The following RNF6 variants were observed in gnomAD, a reference collection of about 807,000 sequenced individuals.
RNF6 encodes ring finger protein 6, also known as E3 ubiquitin-protein ligase RNF6.
In RNF6, 21 loss-of-function variants were observed where a neutral mutation model predicts 50.1. That is an observed-to-expected ratio of 0.42 (90% CI 0.30 to 0.60). RNF6 has a LOEUF of 0.60. Ranked by LOEUF, RNF6 falls within the 20% of genes least tolerant of loss-of-function variation. The pLI is 0.20. For synonymous variants in RNF6, 255 were observed against 291.8 expected, an observed-to-expected ratio of 0.87 and a Z score of 1.29; for missense variants, 698 against 838.2, an observed-to-expected ratio of 0.83 and a Z score of 2.07.
At position 26,214,825 on chromosome 13, in the gene RNF6, G is replaced by C; in HGVS notation, c.1057C>G (p.Gln353Glu). The C allele has an allele frequency of 1.9e-6, 3 of 1,614,162 alleles. No homozygotes were observed. The highest frequency in any genetic ancestry group is 2.5e-6 in the Non-Finnish European group (3 of 1,180,040). Reference sequence around the variant, plus strand: ...CCTCTGCGTTCTCGTTCTCTATCTTGCTCTAAAAAGACTCGAGTTCTACCT... The same window carrying C: ...CCTCTGCGTTCTCGTTCTCTATCTTCCTCTAAAAAGACTCGAGTTCTACCT... ...RRGRTRVFLEQDRERERRGTA... is the reference protein window; with the variant it reads ...RRGRTRVFLEEDRERERRGTA... Residue 353 changes from glutamine to glutamate, a missense_variant, in exon 5 of 5, where the codon CAA (glutamine) becomes GAA (glutamate). Transcript: ENST00000381588.
intron 5 of RNF6, among the ~76,000 whole-genome samples, chr13:26,180,679 G>C (rs1593170984): frequency 6.6e-6 from 1 of 152,228 alleles, no homozygotes; most frequent in East Asian, 1.9e-4. Flanking sequence ...CCACATTTAA[G>C]GTGTCTTTCC....
At chr13:26,209,788 T>TAG (rs1869246427), downstream of RNF6, among the ~76,000 whole-genome samples, 1 of 151,452 alleles carries the variant, frequency 6.6e-6, no homozygotes, top group South Asian at 2.1e-4. Context: ...AGATGTGAGA[T>TAG]ATATATATAT....
In RNF6 at chr13:26,219,646, T is replaced by A; in HGVS notation, c.4A>T (p.Asn2Tyr). Reference sequence around the variant, plus strand: ...CCATCTGATCTCGATCTAGACTGATTCATCCTGAGATTCCTGGCTTTCTGT... The same window carrying A: ...CCATCTGATCTCGATCTAGACTGATACATCCTGAGATTCCTGGCTTTCTGT... M[N>Y]QSRSRSDGGS... The change falls in exon 3 of 5, where the codon AAT becomes TAT. Residue 2 changes from asparagine to tyrosine, a missense_variant. Asn to Tyr is a moderately radical substitution (Grantham distance 143, BLOSUM62 -2). Transcript: ENST00000381588. The A allele has an allele frequency of 6.2e-7, 1 of 1,612,788 alleles. No individual in the cohort carries two copies.
At chr13:26,180,736 A>G (rs1027650749) in intron 5 of RNF6, among the ~76,000 whole-genome samples, 1 of 152,228 alleles carries the variant, frequency 6.6e-6, no homozygotes, top group African/African-American at 2.4e-5. Context: ...CAGATTGGCA[A>G]TAGGCCACAC....
downstream of RNF6, among the ~76,000 whole-genome samples, chr13:26,210,638 A>G (rs1869284572): frequency 6.6e-6 from 1 of 152,216 alleles, no homozygotes; most frequent in Non-Finnish European, 1.5e-5. Context: ...TTAGACTGAA[A>G]ACTTCCCAAG....
At chr13:26,205,394 A>G (rs1383758039) in intron 5 of RNF6, among the ~76,000 whole-genome samples, 1 of 152,226 alleles carries the variant, frequency 6.6e-6, no homozygotes, top group Non-Finnish European at 1.5e-5. Context: ...AATGTTATAA[A>G]ATCACTGAAG....
At chr13:26,190,705 T>G (rs17435452) in intron 5 of RNF6, among the ~76,000 whole-genome samples, 1 of 152,228 alleles carries the variant, frequency 6.6e-6, no homozygotes, top group African/African-American at 2.4e-5. Context: ...TATTCATCAA[T>G]TGAACATTTG....
intron 5 of RNF6, among the ~76,000 whole-genome samples, chr13:26,184,825 TA>T (rs1169829459): frequency 6.6e-6 from 1 of 152,146 alleles, no homozygotes; most frequent in Non-Finnish European, 1.5e-5. Flanking sequence ...CCACAAAGGA[TA>T]AATCTGTGGA....
intron 5 of RNF6, among the ~76,000 whole-genome samples, chr13:26,137,653 TAAAA>T (rs57465135): frequency 7.2e-6 from 1 of 138,668 alleles, no homozygotes; most frequent in Admixed American, 7.2e-5. Flanking sequence ...ATAGAAATTA[TAAAA>T]AAAAAAAAAA....
intron 5 of RNF6, among the ~76,000 whole-genome samples, chr13:26,176,497 T>C (rs984637042): frequency 1.3e-5 from 2 of 152,210 alleles, no homozygotes; most frequent in African/African-American, 4.8e-5. Flanking sequence ...TTGAATTGTG[T>C]CCTTCAAAAA....
chr13:26,180,424 T>C (rs982316308), intron 5 of RNF6, among the ~76,000 whole-genome samples: 4 of 152,122 alleles, frequency 2.6e-5, no homozygotes, highest in Admixed American at 2.6e-4. Context: ...GCAGGCCCCA[T>C]TTGAGGGTGA....
chr13:26,215,621 T>C, intron 4 of RNF6, 29 bp from the exon 5 acceptor site: 1 of 1,556,338 alleles, frequency 6.4e-7, no homozygotes, highest in Non-Finnish European at 8.6e-7. Context: ...CAACTTAAGA[T>C]CAATTCCTAA....
chr13:26,155,015 G>A (rs1871833260), intron 5 of RNF6, among the ~76,000 whole-genome samples: 1 of 151,534 alleles, frequency 6.6e-6, no homozygotes, highest in Non-Finnish European at 1.5e-5. Flanking sequence ...GGGCAAAAGA[G>A]CCAGATTCTG....
At chr13:26,132,840 A>G (rs950844326) in intron 5 of RNF6, among the ~76,000 whole-genome samples, 1 of 152,212 alleles carries the variant, frequency 6.6e-6, no homozygotes, top group Non-Finnish European at 1.5e-5. Flanking sequence ...AACTTTTTGC[A>G]GGCATCAGAT....
intron 5 of RNF6, among the ~76,000 whole-genome samples, chr13:26,186,438 G>A (rs930966444): frequency 1.3e-5 from 2 of 152,238 alleles, no homozygotes; most frequent in Non-Finnish European, 2.9e-5. Flanking sequence ...GCGCCGGGGG[G>A]CGTCTGCGTG....
intron 5 of RNF6, among the ~76,000 whole-genome samples, chr13:26,151,981 A>G (rs1459223685): frequency 1.3e-5 from 2 of 152,072 alleles, no homozygotes; most frequent in Non-Finnish European, 2.9e-5. Context: ...GCTGCTCACG[A>G]CTGCCACTGC....
At chr13:26,197,868 A>T (rs1240879503) in intron 5 of RNF6, among the ~76,000 whole-genome samples, 4 of 151,892 alleles carry the variant, frequency 2.6e-5, no homozygotes, top group Non-Finnish European at 5.9e-5. Flanking sequence ...TTCTCTGATC[A>T]TATGGGAATT....
chr13:26,151,124 T>C (rs541573321), intron 5 of RNF6, among the ~76,000 whole-genome samples: 1 of 152,226 alleles, frequency 6.6e-6, no homozygotes, highest in South Asian at 2.1e-4. Context: ...AAGTCACCAG[T>C]GCAACTACTT....
intron 5 of RNF6, among the ~76,000 whole-genome samples, chr13:26,161,198 G>T (rs1035461360): frequency 3.3e-5 from 5 of 152,146 alleles, no homozygotes; most frequent in Admixed American, 2.6e-4. Context: ...GACCATTTGT[G>T]CCTCAATACC....
Sources: allele counts gnomAD v4.1 joint callset (sites outside exome capture counted in the v4.1 genomes callset), GRCh38; gene constraint gnomAD v4.1.1; transcripts MANE v1.5; gene names NCBI Gene and HGNC (gene_info 2026-07-23, HGNC 2026-07-21).